FARS2: variants seen among roughly 807,000 people sequenced by gnomAD.
FARS2 encodes the protein phenylalanine--tRNA ligase, mitochondrial.
In FARS2, 40 loss-of-function variants were observed where a neutral mutation model predicts 46.4. That is an observed-to-expected ratio of 0.86 (90% CI 0.67 to 1.12). The LOEUF (loss-of-function observed/expected upper bound fraction) is 1.12. Ranked by LOEUF, FARS2 falls within the 50% of genes most tolerant of loss-of-function variation. The pLI is 0.00. For synonymous variants in FARS2, 234 were observed against 214.9 expected, an observed-to-expected ratio of 1.09 and a Z score of -0.78; for missense variants, 513 against 567.9, an observed-to-expected ratio of 0.90 and a Z score of 0.98.
chr6:5,350,188 T>G (rs111421164), intron 1 of FARS2, among the ~76,000 whole-genome samples: 32,655 of 132,732 alleles, frequency 0.25, 4,477 homozygotes, highest in East Asian at 0.33. Context: ...TTTTTTTTTT[T>G]GTAGAGTTGG....
At chr6:5,579,488 G>T (rs1045662064) in intron 5 of FARS2, among the ~76,000 whole-genome samples, 10 of 152,094 alleles carry the variant, frequency 6.6e-5, no homozygotes, top group African/African-American at 2.4e-4. Context: ...TGGCCAGGCT[G>T]GTCTCGAACT....
At chr6:5,290,611 T>G (rs1008954236) in intron 1 of FARS2, among the ~76,000 whole-genome samples, 4 of 152,232 alleles carry the variant, frequency 2.6e-5, no homozygotes, top group Non-Finnish European at 4.4e-5. Context: ...CATACTCCTA[T>G]TTTGATGACC....
At chr6:5,271,686 C>T (rs1445290465) in intron 1 of FARS2, among the ~76,000 whole-genome samples, 2 of 151,568 alleles carry the variant, frequency 1.3e-5, no homozygotes, top group East Asian at 1.9e-4. Context: ...CCTCAGCCTC[C>T]CGAGTAGCTG....
chr6:5,753,540 C>T (rs1196388377), intron 6 of FARS2, among the ~76,000 whole-genome samples: 1 of 152,104 alleles, frequency 6.6e-6, no homozygotes, highest in Non-Finnish European at 1.5e-5. Flanking sequence ...TCAGCTGTGG[C>T]ACGGAGCTGT....
At position 5,448,701 on chromosome 6, in the gene FARS2, G is replaced by A. The variant is rs1764315870; in HGVS notation, c.904+17529G>A. ...ATTTTGCGTGCAAGTACATTTATAG[G>A]ATTTATTTCTTGAAGTGGAATTGCT... On this transcript the variant is annotated intron_variant, in intron 4 of 6. Coordinates refer to ENST00000274680, the MANE Select transcript of FARS2 (RefSeq NM_006567.5). Among the ~76,000 whole-genome samples, 3 of 152,120 alleles carry A rather than the reference G, an allele frequency of 2.0e-5. No homozygotes were observed. The South Asian group carries it at 6.2e-4, about 32-fold the overall frequency.
At chr6:5,405,713 C>G (rs571612562) in intron 3 of FARS2, among the ~76,000 whole-genome samples, 2 of 151,760 alleles carry the variant, frequency 1.3e-5, no homozygotes, top group African/African-American at 4.8e-5. Flanking sequence ...AAGATGGTCT[C>G]GATCTCCTGA....
At chr6:5,432,386 A>G (rs1249265891) in intron 4 of FARS2, among the ~76,000 whole-genome samples, 3 of 127,902 alleles carry the variant, frequency 2.3e-5, no homozygotes, top group Non-Finnish European at 3.2e-5. Flanking sequence ...TTTATATATT[A>G]TACATTATAT....
chr6:5,577,220 C>T (rs1773037588), intron 5 of FARS2, among the ~76,000 whole-genome samples: 1 of 152,126 alleles, frequency 6.6e-6, no homozygotes, highest in Non-Finnish European at 1.5e-5. Flanking sequence ...AGATTTCTCA[C>T]TGCTTGAGAA....
rs73718330 is a variant in FARS2, at chr6:5,630,460, A to G, written c.1217+17140A>G. On this transcript the variant is annotated intron_variant, in intron 6 of 6. Transcript: ENST00000274680. This position sits in a 1 kb window ranked among gnomAD's most constrained non-coding sequence, Gnocchi z 4.2. ...ACTTGTATTTATTCCACAAATGTTC[A>G]TAACTAGAGAATACTTGATTTAATG... Among the ~76,000 whole-genome samples the G allele has an allele frequency of 0.021, 3,229 of 152,306 alleles. 63 individuals carry two copies. The highest frequency in any genetic ancestry group is 0.054 in the African/African-American group (2,234 of 41,550).
At chr6:5,672,015 A>G (rs1177661855) in intron 6 of FARS2, among the ~76,000 whole-genome samples, 1 of 152,194 alleles carries the variant, frequency 6.6e-6, no homozygotes, top group Non-Finnish European at 1.5e-5. Context: ...CCATTCTGGA[A>G]ATATGTGCAC....
intron 1 of FARS2, among the ~76,000 whole-genome samples, chr6:5,283,682 A>T (rs1034264865): frequency 1.3e-5 from 2 of 152,158 alleles, no homozygotes; most frequent in Non-Finnish European, 2.9e-5. Context: ...CATAAACTAC[A>T]TTTATATCGC....
chr6:5,351,455 T>C (rs1424281661), intron 1 of FARS2, among the ~76,000 whole-genome samples: 1 of 152,224 alleles, frequency 6.6e-6, no homozygotes, highest in Non-Finnish European at 1.5e-5. Flanking sequence ...AAAATCAGTC[T>C]CCAAAACACG....
intron 6 of FARS2, among the ~76,000 whole-genome samples, chr6:5,639,929 T>C (rs1004018062): frequency 1.8e-4 from 27 of 152,346 alleles, no homozygotes; most frequent in Middle Eastern, 6.8e-3. Context: ...GTCCCCTGCT[T>C]TTCCTCAGTG....
chr6:5,436,008 A>G (rs966554238), intron 4 of FARS2, among the ~76,000 whole-genome samples: 1 of 151,940 alleles, frequency 6.6e-6, no homozygotes, highest in Non-Finnish European at 1.5e-5. Flanking sequence ...GCTATAGCGA[A>G]GTGAATCAGC....
intron 6 of FARS2, among the ~76,000 whole-genome samples, chr6:5,635,053 C>A (rs1017097782): frequency 3.9e-5 from 6 of 152,154 alleles, no homozygotes; most frequent in African/African-American, 7.2e-5. Context: ...ACTTGTTGGC[C>A]GTGGAACCAT....
intron 6 of FARS2, among the ~76,000 whole-genome samples, chr6:5,632,058 T>TGAAAAACAAA (rs1776316884): frequency 5.3e-5 from 8 of 152,308 alleles, no homozygotes; most frequent in Middle Eastern, 3.4e-3. Context: ...AATTTCAAAC[T>TGAAAAACAAA]TTGTATTTGT....
In FARS2 at chr6:5,707,977, A is replaced by G. The variant is rs185648939; in HGVS notation, c.1218-63314A>G. Among the ~76,000 whole-genome samples, 245 of 152,326 alleles carry G rather than the reference A, an allele frequency of 1.6e-3. 1 individual carries two copies. The highest frequency in any genetic ancestry group is 5.7e-3 in the African/African-American group (236 of 41,566). ...TGGCAAATATCATGGAATCTTAGGG[A>G]CTGCCTCACAGGGAAGGTGCCATTG... On this transcript the variant is annotated intron_variant, in intron 6 of 6. Transcript: ENST00000274680.
At chr6:5,402,165 T>G (rs141869446) in intron 2 of FARS2, among the ~76,000 whole-genome samples, 154 of 152,180 alleles carry the variant, frequency 1.0e-3, no homozygotes, top group African/African-American at 3.3e-3. Context: ...TCTTGATTGA[T>G]TCCATTGTCC....
At chr6:5,381,128 G>C (rs888602503) in intron 2 of FARS2, among the ~76,000 whole-genome samples, 4 of 151,726 alleles carry the variant, frequency 2.6e-5, no homozygotes, top group African/African-American at 9.7e-5. Flanking sequence ...AGCCTCCTGA[G>C]TAGCTGGACC....
Sources: gnomAD v4.1 joint callset for allele counts (sites outside exome capture counted in the v4.1 genomes callset) on GRCh38, gnomAD v4.1.1 for gene constraint, Gnocchi (gnomAD v3.1) non-coding constraint, MANE v1.5 for transcripts, NCBI Gene and HGNC (gene_info 2026-07-23, HGNC 2026-07-21) for gene names.